RAD54L: variants seen among roughly 807,000 people sequenced by gnomAD.
RAD54L encodes DNA repair and recombination protein RAD54-like.
RAD54L carries 74 observed loss-of-function variants against 91.6 expected under a neutral mutation model. The ratio of observed to expected loss-of-function variants is 0.81; its 90% CI spans 0.67 to 0.98. The LOEUF is 0.98. Ranked by LOEUF, RAD54L falls within the 50% of genes least tolerant of loss-of-function variation. RAD54L has a pLI of 0.00. For synonymous variants in RAD54L, 304 were observed against 349.7 expected, an observed-to-expected ratio of 0.87 and a Z score of 1.46; for missense variants, 887 against 945.7, an observed-to-expected ratio of 0.94 and a Z score of 0.81.
At chr1:46,251,926 G>A (rs1483255001) in intron 3 of RAD54L, among the ~76,000 whole-genome samples, 1 of 152,048 alleles carries the variant, frequency 6.6e-6, no homozygotes, top group Non-Finnish European at 1.5e-5. Flanking sequence ...AAAGAAAATG[G>A]TGTTAAAATG....
rs2148300207 is a variant in RAD54L at position 46,272,544 on chromosome 1, C to T, written c.1244+4C>T. On this transcript the variant is annotated splice_donor_region_variant and intron_variant, in intron 11 of 17. Transcript: ENST00000371975. ...TTGAGCAGGTCGTTTGTTGTAGGTA[C>T]TGAACTCAACTGAAAGATGTGGAGT... 6.2e-7 allele frequency: 1 copy of T among 1,609,354 alleles called. No homozygotes were observed. The highest frequency in any genetic ancestry group is 8.5e-7 in the Non-Finnish European group (1 of 1,175,682).
chr1:46,277,819 A>C lies in RAD54L; in HGVS notation c.1872A>C (p.Ala624=), dbSNP rs1660658172. Residue 624 remains alanine (A), a splice_region_variant and synonymous_variant, in exon 17 of 18, where the codon GCA becomes GCC. Transcript: ENST00000371975. ...ATTCCCCACCTCCTCTTCCCCAGGCAGGGACCATTGAGGAGAAGATCTTCC... is the reference window on the plus strand; with the variant it reads ...ATTCCCCACCTCCTCTTCCCCAGGCCGGGACCATTGAGGAGAAGATCTTCC... ...KTCYIYRLLS[A]GTIEEKIFQR... is the part of the protein sequence containing the mutation. 6.2e-7 allele frequency: 1 copy of C among 1,605,374 alleles called. No individual in the cohort carries two copies. Among genetic ancestry groups the C allele is most frequent in the Non-Finnish European group, 8.5e-7 (1 of 1,172,444 alleles).
Position 46,248,522 on chromosome 1 carries a change from TGGCTCCCAGCCA to T in RAD54L, c.16_27del (p.Ala6_Gln9del), listed in dbSNP as rs753632219. On this transcript the variant is annotated inframe_deletion, in exon 2 of 18. Transcript: ENST00000371975. ...GTTCTCCCTTTACAGAGGAGGAGCT[TGGCTCCCAGCCA>T]GCTGGCCAAGAGAAAACCTGAAGGC... The T allele has an allele frequency of 6.2e-7, 1 of 1,614,130 alleles. No homozygotes were observed. The highest frequency in any genetic ancestry group is 1.7e-5 in the Admixed American group (1 of 60,016).
chr1:46,256,938 G>A (rs1289327675), intron 3 of RAD54L, among the ~76,000 whole-genome samples: 2 of 152,118 alleles, frequency 1.3e-5, no homozygotes, highest in Non-Finnish European at 2.9e-5. Flanking sequence ...GAGGGCAGGA[G>A]TTCAAGACCA....
Position 46,276,437 on chromosome 1 carries a change from C to T in RAD54L, c.1870-1380C>T, listed in dbSNP as rs6688870. 8.3e-3 allele frequency among the ~76,000 whole-genome samples: 1,262 copies of T among 152,190 alleles called. 19 individuals carry two copies. The highest frequency in any genetic ancestry group is 0.037 in the Middle Eastern group (11 of 294). On this transcript the variant is annotated intron_variant, in intron 16 of 17. Transcript: ENST00000371975. ...TGGCCTTCCCAAGTGCTGGGATTAA[C>T]GGCATGAGCCACCACACCTGGCTCC...
chr1:46,264,658 A>T (rs1367754221), intron 8 of RAD54L, among the ~76,000 whole-genome samples: 1 of 152,256 alleles, frequency 6.6e-6, no homozygotes, highest in Non-Finnish European at 1.5e-5. Flanking sequence ...CGTCATCGTC[A>T]TCTCAATCTT....
chr1:46,270,557 T>C, intron 9 of RAD54L, 102 bp from the exon 10 acceptor site: 1 of 1,490,336 alleles, frequency 6.7e-7, no homozygotes, highest in Non-Finnish European at 9.3e-7. Flanking sequence ...GCCTTGTTCT[T>C]GGTAGGAAGG....
intron 9 of RAD54L, among the ~76,000 whole-genome samples, chr1:46,268,995 G>A (rs1023215242): frequency 1.2e-4 from 19 of 152,124 alleles, no homozygotes; most frequent in African/African-American, 4.6e-4. Context: ...GAATTCCTGG[G>A]TTCAAATGAT....
chr1:46,276,340 T>G (rs934826258), intron 16 of RAD54L, among the ~76,000 whole-genome samples: 3 of 152,124 alleles, frequency 2.0e-5, no homozygotes, highest in Admixed American at 2.0e-4. Context: ...TTTTTCTTTA[T>G]TTTTTGTAGA....
Position 46,273,705 on chromosome 1 carries a change from C to G in RAD54L, c.1568C>G (p.Thr523Ser). 2 of 1,613,226 alleles carry G rather than the reference C, an allele frequency of 1.2e-6. No individual in the cohort carries two copies. The highest frequency in any genetic ancestry group is 1.1e-5 in the South Asian group (1 of 90,892). Residue 523 changes from threonine (T) to serine (S), a missense_variant, in exon 14 of 18, where the codon ACC (threonine) becomes AGC (serine). Physicochemically the swap from Thr to Ser is moderately conservative, Grantham distance 58 (BLOSUM62 1). Coordinates refer to ENST00000371975, the MANE Select transcript of RAD54L (RefSeq NM_003579.4). ...SDKVVLVSNY[T>S]QTLDLFEKLC... ...AAAGTAGTGCTGGTGTCGAATTACACCCAGACTTTGGATCTCTTTGAGAAG... is the reference window on the plus strand; with the variant it reads ...AAAGTAGTGCTGGTGTCGAATTACAGCCAGACTTTGGATCTCTTTGAGAAG...
At chr1:46,254,290 T>C (rs1047910841) in intron 3 of RAD54L, among the ~76,000 whole-genome samples, 5 of 151,924 alleles carry the variant, frequency 3.3e-5, no homozygotes, top group African/African-American at 4.8e-5. Flanking sequence ...TTTTTTCTTT[T>C]TTTTTTCTTT....
At chr1:46,250,190 T>G in intron 3 of RAD54L, 71 bp downstream of exon 3, 1 of 1,590,936 alleles carries the variant, frequency 6.3e-7, no homozygotes, top group African/African-American at 1.3e-5. Context: ...CTCCTGTCCC[T>G]GTACACTCCC....
chr1:46,277,538 C>G (rs1660648058), intron 16 of RAD54L: 2 of 495,538 alleles, frequency 4.0e-6, no homozygotes, highest in South Asian at 4.3e-5. Flanking sequence ...CTGCAGCAGA[C>G]AAACCTCAGT....
At position 46,273,403 on chromosome 1, in the gene RAD54L, T is replaced by C; in HGVS notation, c.1424T>C (p.Val475Ala). The C allele has an allele frequency of 1.2e-6, 2 of 1,614,132 alleles. No homozygotes were observed. The highest frequency in any genetic ancestry group is 1.7e-6 in the Non-Finnish European group (2 of 1,179,956). Residue 475 changes from valine (V) to alanine (A), a missense_variant, in exon 13 of 18, where the codon GTG (valine) becomes GCG (alanine). Val to Ala is a moderately conservative substitution (Grantham distance 64). Transcript: ENST00000371975. ...TGTGTGGAAGAGGAGGATGGCTTTG[T>C]GGGTGCCTTGGACCTCTTCCCTCCT... ...DKCVEEEDGF[V>A]GALDLFPPGY...
At chr1:46,259,382 C>T (rs1203526246) in intron 4 of RAD54L, among the ~76,000 whole-genome samples, 4 of 152,026 alleles carry the variant, frequency 2.6e-5, no homozygotes, top group Non-Finnish European at 5.9e-5. Context: ...CAGGCCTTCC[C>T]AGGATTGTCT....
At chr1:46,248,491 G>C in intron 1 of RAD54L, 21 bp from the exon 2 acceptor site, 1 of 1,614,134 alleles carries the variant, frequency 6.2e-7, no homozygotes. Flanking sequence ...TGCAGGCACT[G>C]TTTCTGTTCT....
chr1:46,254,219 C>T (rs974232270), intron 3 of RAD54L, among the ~76,000 whole-genome samples: 4 of 152,052 alleles, frequency 2.6e-5, no homozygotes, highest in Non-Finnish European at 4.4e-5. Flanking sequence ...GAGTGATCTG[C>T]CTGCCTCAGC....
chr1:46,275,006 C>T (rs1420949852), intron 16 of RAD54L, among the ~76,000 whole-genome samples: 1 of 152,222 alleles, frequency 6.6e-6, no homozygotes, highest in African/African-American at 2.4e-5. Flanking sequence ...GTAGTCTTCT[C>T]TCATCCCCTG....
intron 3 of RAD54L, among the ~76,000 whole-genome samples, chr1:46,255,097 T>G (rs1239349558): frequency 2.0e-5 from 3 of 151,536 alleles, no homozygotes; most frequent in Non-Finnish European, 4.4e-5. Flanking sequence ...TTGGCCAGAG[T>G]GGAAGGGGCA....
Sources: gnomAD v4.1 joint callset for allele counts (sites outside exome capture counted in the v4.1 genomes callset) on GRCh38, gnomAD v4.1.1 for gene constraint, MANE v1.5 for transcripts, NCBI Gene and HGNC (gene_info 2026-07-23, HGNC 2026-07-21) for gene names.